The following MUC17 variants were observed in gnomAD, a reference collection of about 807,000 sequenced individuals.
MUC17 encodes the protein mucin 17, cell surface associated.
A neutral mutation model predicts 170.3 loss-of-function variants in MUC17; 190 were observed. The observed-to-expected ratio is 1.12, with a 90% CI of 0.99 to 1.26. MUC17 has a LOEUF of 1.26. Among genes scored for constraint, MUC17 ranks in the 50% most tolerant of loss-of-function variants. MUC17 has a pLI of 0.00. For missense variants in MUC17, 6,415 were observed against 5,530.0 expected (o/e 1.16, Z -5.08); for synonymous variants, 2,325 against 2,002.5 (o/e 1.16, Z -4.30).
At chr7:101,050,436 G>T (rs766337360) in intron 6 of MUC17, 48 bp from the exon 7 acceptor site, 2 of 1,588,646 alleles carry the variant, frequency 1.3e-6, no homozygotes, top group South Asian at 2.3e-5. Context: ...AGATTCTAGA[G>T]GTAAGCACCC....
rs1259932710 is a variant in MUC17, at chr7:101,034,112, C to T, written c.2696C>T (p.Ser899Phe). The part of the protein sequence containing the change: ...PVDTSTPVTN[S>F]TEARSSPTTS... ...GACACCAGCACACCTGTGACCAATT[C>T]TACTGAAGCCCGTTCGTCTCCTACA... The change falls in exon 3 of 13, where the codon TCT (serine) becomes TTT (phenylalanine). Residue 899 changes from serine to phenylalanine, a missense_variant. Physicochemically the swap from Ser to Phe is radical, Grantham distance 155. Transcript: ENST00000306151. 6.3e-7 allele frequency: 1 copy of T among 1,584,592 alleles called. No homozygotes were observed. The highest frequency in any genetic ancestry group is 2.4e-5 in the East Asian group (1 of 41,916).
Position 101,042,604 on chromosome 7 carries a change from G to A in MUC17, c.11188G>A (p.Glu3730Lys). 6.2e-7 allele frequency: 1 copy of A among 1,614,040 alleles called. No individual in the cohort carries two copies. The highest frequency in any genetic ancestry group is 1.7e-5 in the Admixed American group (1 of 60,020). ...CAGCACACCTGTGACCACTTCTACT[G>A]AAGCCATTTCATCTTCTGCAACTCT... ...VTSTPVTTST[E>K]AISSSATLDS... Residue 3730 changes from glutamate (E) to lysine (K), a missense_variant, in exon 3 of 13, where the codon GAA (glutamate) becomes AAA (lysine). Physicochemically the swap from Glu to Lys is moderately conservative, Grantham distance 56. Transcript: ENST00000306151.
At chr7:101,054,946 A>G (rs927647491) in intron 11 of MUC17, among the ~76,000 whole-genome samples, 8 of 152,166 alleles carry the variant, frequency 5.3e-5, no homozygotes, top group African/African-American at 1.9e-4. Context: ...CGTCTCTACT[A>G]AAAACACAAA....
chr7:101,035,111 C>A lies in MUC17; in HGVS notation c.3695C>A (p.Ala1232Asp). 3 of 1,610,486 alleles carry A rather than the reference C, an allele frequency of 1.9e-6. No homozygotes were observed. Among genetic ancestry groups the A allele is most frequent in the Non-Finnish European group, 1.7e-6 (2 of 1,178,682 alleles). The change falls in exon 3 of 13, where the codon GCC (alanine) becomes GAC (aspartate). Residue 1232 changes from alanine (A) to aspartate (D), a missense_variant. Coordinates refer to ENST00000306151, the MANE Select transcript of MUC17 (RefSeq NM_001040105.2). Reference protein sequence around the residue: ...TSMPVRHTPVASSEASTLSTS... With the variant: ...TSMPVRHTPVDSSEASTLSTS... ...ATGCCTGTCAGACACACGCCAGTGG[C>A]CAGTTCTGAGGCTAGCACCCTTTCA...
chr7:101,053,213 T>G (rs1376087220), intron 10 of MUC17, 66 bp downstream of exon 10: 1 of 1,591,256 alleles, frequency 6.3e-7, no homozygotes, highest in East Asian at 2.2e-5. Flanking sequence ...CTGAACCCTC[T>G]GTCTCTAATC....
intron 3 of MUC17, 60 bp downstream of exon 3, chr7:101,043,879 T>A (rs755249666): frequency 3.4e-5 from 51 of 1,484,022 alleles, no homozygotes; most frequent in Non-Finnish European, 4.5e-5. Context: ...CTAGGGTACA[T>A]GTGCACAACG....
Position 101,040,626 on chromosome 7 carries a change from T to C in MUC17, c.9210T>C (p.Pro3070=), listed in dbSNP as rs1323048059. 1 of 1,612,304 alleles carries C rather than the reference T, an allele frequency of 6.2e-7. No homozygotes were observed. The highest frequency in any genetic ancestry group is 2.2e-5 in the East Asian group (1 of 44,846). The change falls in exon 3 of 13, where the codon CCT becomes CCC. Residue 3070 remains proline (P), a synonymous_variant. Transcript: ENST00000306151. ...AGGCTAGCACCCTTTCAACAACTCC[T>C]GTTGACTCCAACAGTCCTGTGGTCA... is the stretch of plus-strand genomic sequence containing the variant. ...IPEASTLSTT[P]VDSNSPVVTS...
Position 101,039,247 on chromosome 7 carries a change from A to G in MUC17, c.7831A>G (p.Thr2611Ala), listed in dbSNP as rs114675387. The change falls in exon 3 of 13, where the codon ACC (threonine) becomes GCC (alanine). Residue 2611 changes from threonine to alanine, a missense_variant. By Grantham distance (58) the Thr-to-Ala change is moderately conservative. Transcript: ENST00000306151. ...TSIPVTTSTE[T>A]SSSPTTAKDT... is the part of the protein sequence containing the mutation. ...CATACCTGTCACCACTTCTACTGAA[A>G]CCAGTTCATCTCCTACAACTGCAAA... 1,158 of 1,605,574 alleles carry G rather than the reference A, an allele frequency of 7.2e-4. 9 individuals are homozygous for G. In the African/African-American group the frequency reaches 0.015, roughly 20 times the overall value.
chr7:101,037,161 C>T lies in MUC17; in HGVS notation c.5745C>T (p.Ser1915=), dbSNP rs1794513279. ...CTCCTACAACTGCTGACGGTAGCAG[C>T]ATGCCAACCTCAACTCCTAGGGAAG... The part of the protein sequence containing the change: ...SSSPTTADGS[S]MPTSTPREGR... Residue 1915 remains serine (S), a synonymous_variant, in exon 3 of 13, where the codon AGC becomes AGT. Coordinates refer to ENST00000306151, the MANE Select transcript of MUC17 (RefSeq NM_001040105.2). 2 of 1,612,722 alleles carry T rather than the reference C, an allele frequency of 1.2e-6. No homozygotes were observed. The highest frequency in any genetic ancestry group is 1.1e-5 in the South Asian group (1 of 90,644).
Position 101,034,045 on chromosome 7 carries a change from G to A in MUC17, c.2629G>A (p.Val877Met), listed in dbSNP as rs1314493275. Residue 877 changes from valine to methionine, a missense_variant, in exon 3 of 13, where the codon GTG becomes ATG. Coordinates refer to ENST00000306151, the MANE Select transcript of MUC17 (RefSeq NM_001040105.2). ...AAGTATGCCTGTCAGCACCACACTG[G>A]TGGCCACTTCTGCAATCAGCACCCT... is the stretch of plus-strand genomic sequence containing the variant. ...LTSMPVSTTL[V>M]ATSAISTLST... 6.2e-7 allele frequency: 1 copy of A among 1,601,238 alleles called. No homozygotes were observed. Among genetic ancestry groups the A allele is most frequent in the Non-Finnish European group, 8.5e-7 (1 of 1,173,072 alleles).
In MUC17 at chr7:101,039,551, T is replaced by C. The variant is rs2116444520; in HGVS notation, c.8135T>C (p.Leu2712Pro). 1 of 1,612,302 alleles carries C rather than the reference T, an allele frequency of 6.2e-7. No individual in the cohort carries two copies. The highest frequency in any genetic ancestry group is 1.1e-5 in the South Asian group (1 of 90,942). ...TLLANSEAST[L>P]STTPVDTSTP... ...TTGGCCAATTCTGAGGCTAGCACCC[T>C]TTCAACAACTCCTGTTGACACCAGC... is the stretch of plus-strand genomic sequence containing the variant. The change falls in exon 3 of 13, where the codon CTT (leucine) becomes CCT (proline). Residue 2712 changes from leucine (L) to proline (P), a missense_variant. By Grantham distance (98) the Leu-to-Pro change is moderately conservative. Transcript: ENST00000306151.
intron 3 of MUC17, among the ~76,000 whole-genome samples, chr7:101,044,547 T>C (rs1350005373): frequency 6.6e-6 from 1 of 152,220 alleles, no homozygotes; most frequent in African/African-American, 2.4e-5. Context: ...CTCTCACTGT[T>C]TCTTGCACAA....
intron 2 of MUC17, 54 bp from the exon 3 acceptor site, chr7:101,031,547 G>T: frequency 6.7e-7 from 1 of 1,486,806 alleles, no homozygotes. Context: ...AATCACTCCT[G>T]ACATACAGAA....
rs1239223977 is a variant in MUC17, at chr7:101,031,907, T to C, written c.491T>C (p.Val164Ala). Residue 164 changes from valine (V) to alanine (A), a missense_variant, in exon 3 of 13, where the codon GTC becomes GCC. Transcript: ENST00000306151. ...EESISSTMAF[V>A]STAPLPSFEA... is the part of the protein sequence containing the mutation. ...AGCATTTCATCAACAATGGCTTTTG[T>C]CAGCACTGCACCTCTTCCCAGTTTT... 6.2e-7 allele frequency: 1 copy of C among 1,614,000 alleles called. No individual in the cohort carries two copies. Among genetic ancestry groups the C allele is most frequent in the African/African-American group, 1.3e-5 (1 of 74,944 alleles).
chr7:101,042,736 C>G lies in MUC17; in HGVS notation c.11320C>G (p.Pro3774Ala), dbSNP rs771529320. The change falls in exon 3 of 13, where the codon CCT becomes GCT. Residue 3774 changes from proline (P) to alanine (A), a missense_variant. Transcript: ENST00000306151. ...PVTRFPESSTPSIPSVYTSMS... is the reference protein window; with the variant it reads ...PVTRFPESSTASIPSVYTSMS... Reference sequence around the variant, plus strand: ...TACGAGGTTTCCTGAGAGTAGCACCCCTTCCATACCATCTGTTTACACCAG... The same window carrying G: ...TACGAGGTTTCCTGAGAGTAGCACCGCTTCCATACCATCTGTTTACACCAG... 101 of 1,613,752 alleles carry G rather than the reference C, an allele frequency of 6.3e-5. No homozygotes were observed. The highest frequency in any genetic ancestry group is 8.2e-5 in the Non-Finnish European group (97 of 1,180,020).
In MUC17 at chr7:101,037,051, G is replaced by C. The variant is rs776214132; in HGVS notation, c.5635G>C (p.Val1879Leu). 6.3e-7 allele frequency: 1 copy of C among 1,582,330 alleles called. No homozygotes were observed. Among genetic ancestry groups the C allele is most frequent in the South Asian group, 1.2e-5 (1 of 80,508 alleles). The change falls in exon 3 of 13, where the codon GTG becomes CTG. Residue 1879 changes from valine to leucine, a missense_variant. By Grantham distance (32) the Val-to-Leu change is conservative. Transcript: ENST00000306151. ...LTSIPVSTTT[V>L]ASSETNTLST... is the part of the protein sequence containing the mutation. ...AAGTATACCTGTCAGCACCACAACA[G>C]TGGCCAGTTCTGAAACCAACACCCT...
At chr7:101,056,526 A>G (rs1394367212) in intron 12 of MUC17, among the ~76,000 whole-genome samples, 1 of 152,226 alleles carries the variant, frequency 6.6e-6, no homozygotes, top group African/African-American at 2.4e-5. Flanking sequence ...CTCTAAGTAC[A>G]TCCTTGATGG....
intron 1 of MUC17, among the ~76,000 whole-genome samples, chr7:101,022,650 C>T (rs192076513): frequency 6.6e-6 from 1 of 152,222 alleles, no homozygotes; most frequent in East Asian, 1.9e-4. Context: ...CATAGCAAGA[C>T]CCCATCTCTA....
intron 12 of MUC17, among the ~76,000 whole-genome samples, 157 bp downstream of exon 12, chr7:101,056,427 A>C (rs1314241154): frequency 6.6e-6 from 1 of 152,168 alleles, no homozygotes; most frequent in Non-Finnish European, 1.5e-5. Flanking sequence ...AAACAAGCCT[A>C]ACTCAGGGGA....
Sources: allele counts gnomAD v4.1 joint callset (sites outside exome capture counted in the v4.1 genomes callset), GRCh38; gene constraint gnomAD v4.1.1; transcripts MANE v1.5; gene names NCBI Gene and HGNC (gene_info 2026-07-23, HGNC 2026-07-21).